The following SHISA9 variants were observed in gnomAD, a reference collection of about 807,000 sequenced individuals.
The protein encoded by SHISA9 is shisa family member 9.
In SHISA9, 13 loss-of-function variants were observed where a neutral mutation model predicts 38.0. The observed-to-expected ratio is 0.34, with a 90% CI of 0.22 to 0.54. The LOEUF is 0.54. SHISA9 is among the 20% of genes least tolerant of loss of function. The pLI, the probability that SHISA9 is intolerant of heterozygous loss-of-function variation, is 0.91. For synonymous variants in SHISA9, 275 were observed against 242.0 expected, an observed-to-expected ratio of 1.14 and a Z score of -1.27; for missense variants, 538 against 575.8, an observed-to-expected ratio of 0.93 and a Z score of 0.67.
chr16:13,292,619 A>C, the SHISA9 span, among the ~76,000 whole-genome samples: 1 of 152,100 alleles, frequency 6.6e-6, no homozygotes, highest in Non-Finnish European at 1.5e-5. Flanking sequence ...TCCTCATCCA[A>C]GAGCTGGTCA....
intron 2 of SHISA9, among the ~76,000 whole-genome samples, chr16:13,112,233 A>G (rs569465820): frequency 1.3e-5 from 2 of 152,262 alleles, no homozygotes; most frequent in Admixed American, 1.3e-4. Flanking sequence ...TTTAGAGAGC[A>G]ATTTGGTGTT....
intron 2 of SHISA9, among the ~76,000 whole-genome samples, chr16:13,122,210 G>A (rs909404740): frequency 6.6e-6 from 1 of 152,160 alleles, no homozygotes; most frequent in African/African-American, 2.4e-5. Flanking sequence ...CAGCCTTTGT[G>A]AACCATTCAG....
the SHISA9 span, among the ~76,000 whole-genome samples, chr16:13,270,796 A>G: frequency 5.3e-5 from 8 of 152,236 alleles, no homozygotes; most frequent in Non-Finnish European, 1.5e-5. Flanking sequence ...AGATATATGT[A>G]CAATAAACAG....
At position 13,221,999 on chromosome 16, in the gene SHISA9, C is replaced by T. The variant is rs1234827556; in HGVS notation, c.895+8699C>T. On this transcript the variant is annotated intron_variant, in intron 4 of 4. Transcript: ENST00000558583. ...TCAATGGACTCACAGTTCCACATGGCTGGGGAGGCCTCACAATCATGGTGG... is the reference window on the plus strand; with the variant it reads ...TCAATGGACTCACAGTTCCACATGGTTGGGGAGGCCTCACAATCATGGTGG... 3.9e-5 allele frequency among the ~76,000 whole-genome samples: 6 copies of T among 152,140 alleles called. No homozygotes were observed. The East Asian group carries it at 1.2e-3, about 29-fold the overall frequency.
the SHISA9 span, among the ~76,000 whole-genome samples, chr16:13,341,497 A>G: frequency 6.6e-6 from 1 of 152,170 alleles, no homozygotes; most frequent in Non-Finnish European, 1.5e-5. Flanking sequence ...ATGAGGACAA[A>G]TAACAGAGGC....
chr16:13,509,878 G>A, the SHISA9 span, among the ~76,000 whole-genome samples: 1 of 152,122 alleles, frequency 6.6e-6, no homozygotes, highest in East Asian at 1.9e-4. Context: ...ATGTGATTTA[G>A]GGCAAGTGAC....
the SHISA9 span, among the ~76,000 whole-genome samples, chr16:13,361,436 C>A: frequency 8.5e-5 from 13 of 152,366 alleles, 1 homozygote; most frequent in East Asian, 2.5e-3. Flanking sequence ...TCTCTATTAA[C>A]CTTCATTGGG....
the SHISA9 span, among the ~76,000 whole-genome samples, chr16:13,271,217 C>T: frequency 9.9e-3 from 1,506 of 152,250 alleles, 27 homozygotes; most frequent in African/African-American, 0.034. Context: ...ACTGGTGATC[C>T]GGGAACTGTA....
chr16:13,328,158 C>A, the SHISA9 span, among the ~76,000 whole-genome samples: 1 of 152,248 alleles, frequency 6.6e-6, no homozygotes, highest in East Asian at 1.9e-4. Flanking sequence ...CGAGCAGGGG[C>A]CTCTCACCAT....
chr16:13,276,852 C>T, the SHISA9 span, among the ~76,000 whole-genome samples: 1 of 152,046 alleles, frequency 6.6e-6, no homozygotes, highest in African/African-American at 2.4e-5. Context: ...AAGATTTTCT[C>T]ACACTCTGTG....
chr16:13,274,748 C>T, the SHISA9 span, among the ~76,000 whole-genome samples: 1 of 152,158 alleles, frequency 6.6e-6, no homozygotes, highest in South Asian at 2.1e-4. Context: ...CATGTTGCCT[C>T]GAAGCTGGAA....
intron 2 of SHISA9, among the ~76,000 whole-genome samples, chr16:13,100,951 C>A (rs575420780): frequency 6.6e-6 from 1 of 152,344 alleles, no homozygotes; most frequent in South Asian, 2.1e-4. Context: ...CCACCTCGGT[C>A]TCCCGAAGTG....
rs1048486454 is a variant in SHISA9, at chr16:12,974,493, T to G, written c.691+57678T>G. Among the ~76,000 whole-genome samples the G allele has an allele frequency of 7.9e-5, 11 of 139,640 alleles. No homozygotes were observed. The East Asian group carries it at 2.0e-3, about 26-fold the overall frequency. 91.6% of individuals were successfully genotyped at this position (139,640 alleles called of 152,430 possible). A position where few individuals can be genotyped will look rare whatever the true frequency, so the allele number is the denominator to read the frequency against. On this transcript the variant is annotated intron_variant, in intron 2 of 4. Coordinates refer to ENST00000558583, the MANE Select transcript of SHISA9 (RefSeq NM_001145204.3). ...GATTTCTGGTGGTTTTTTTTTTTTT[T>G]TTTTTTTTTTTTTCCGGAGTTTCGC...
At chr16:13,383,224 A>C in the SHISA9 span, among the ~76,000 whole-genome samples, 1 of 152,224 alleles carries the variant, frequency 6.6e-6, no homozygotes, top group African/African-American at 2.4e-5. Context: ...CTTTCTCATC[A>C]GGGAAGACTG....
chr16:13,033,328 A>G (rs2073014329), intron 2 of SHISA9, among the ~76,000 whole-genome samples: 1 of 152,234 alleles, frequency 6.6e-6, no homozygotes, highest in Non-Finnish European at 1.5e-5. Flanking sequence ...TAACTGAACA[A>G]GGAAGAATGA....
At chr16:13,002,366 C>G (rs1410281573) in intron 2 of SHISA9, among the ~76,000 whole-genome samples, 1 of 152,106 alleles carries the variant, frequency 6.6e-6, no homozygotes, top group East Asian at 1.9e-4. Flanking sequence ...CTGCTTGTCC[C>G]TGCAACCATC....
At chr16:13,425,591 G>T in the SHISA9 span, among the ~76,000 whole-genome samples, 1 of 152,210 alleles carries the variant, frequency 6.6e-6, no homozygotes, top group Admixed American at 6.5e-5. Flanking sequence ...TTCATTGTTT[G>T]GGTGAGGGGT....
At chr16:13,222,073 G>A (rs775075104) in intron 4 of SHISA9, among the ~76,000 whole-genome samples, 2 of 152,322 alleles carry the variant, frequency 1.3e-5, no homozygotes, top group Admixed American at 1.3e-4. Context: ...AGGCAAGAGA[G>A]TGTGTGCAGG....
the SHISA9 span, among the ~76,000 whole-genome samples, chr16:13,246,017 A>AT: frequency 6.7e-4 from 102 of 152,192 alleles, no homozygotes; most frequent in Non-Finnish European, 1.2e-3. Context: ...CCAATTACAA[A>AT]CCTCACTGTC....
Sources: gnomAD v4.1 joint callset for allele counts (sites outside exome capture counted in the v4.1 genomes callset) on GRCh38, gnomAD v4.1.1 for gene constraint, MANE v1.5 for transcripts, NCBI Gene and HGNC (gene_info 2026-07-23, HGNC 2026-07-21) for gene names.